NAA11: variants seen among roughly 807,000 people sequenced by gnomAD.
NAA11 encodes the protein N-alpha-acetyltransferase 11, NatA catalytic subunit.
NAA11 carries 15 observed loss-of-function variants against 16.1 expected under a neutral mutation model. The ratio of observed to expected loss-of-function variants is 0.93; its 90% CI spans 0.62 to 1.44. The LOEUF is 1.44. Among genes scored for constraint, NAA11 ranks in the 40% most tolerant of loss-of-function variants. The probability of loss-of-function intolerance (pLI) is 0.00; values close to 1 mark genes in which losing one functional copy is unlikely to be tolerated. For missense variants in NAA11, 298 were observed against 291.3 expected (o/e 1.02, Z -0.17); for synonymous variants, 122 against 112.4 (o/e 1.09, Z -0.54).
At chr4:79,231,522 T>C (rs866526803) in intron 2 of NAA11, among the ~76,000 whole-genome samples, 10 of 151,900 alleles carry the variant, frequency 6.6e-5, no homozygotes, top group African/African-American at 2.4e-4. Context: ...TCCAAAAAGG[T>C]ATTGGTCCTT....
chr4:79,240,002 C>T (rs959197100), intron 2 of NAA11, among the ~76,000 whole-genome samples: 6 of 152,082 alleles, frequency 3.9e-5, no homozygotes, highest in African/African-American at 1.4e-4. Context: ...GCTAACAACT[C>T]CTGAGAGTAC....
the NAA11 span, among the ~76,000 whole-genome samples, chr4:79,196,690 G>A: frequency 4.7e-3 from 718 of 151,932 alleles, 3 homozygotes; most frequent in Non-Finnish European, 7.7e-3. Flanking sequence ...TGGAACTTGT[G>A]AATATGTTAG....
At chr4:79,303,079 T>TAG (rs1190941429) in intron 1 of NAA11, among the ~76,000 whole-genome samples, 438 of 13,340 alleles carry the variant, frequency 0.033, 12 homozygotes, top group African/African-American at 0.1. Context: ...AGGCCTTTTA[T>TAG]ATATATATAT....
At position 79,325,227 on chromosome 4, in the gene NAA11, G is replaced by T; in HGVS notation, c.651C>A (p.Asn217Lys). 6.2e-7 allele frequency: 1 copy of T among 1,613,272 alleles called. No individual in the cohort carries two copies. Among genetic ancestry groups the T allele is most frequent in the South Asian group, 1.1e-5 (1 of 90,848 alleles). Residue 217 changes from asparagine to lysine, a missense_variant, in exon 1 of 2, where the codon AAC (asparagine) becomes AAA (lysine). Transcript: ENST00000286794. ...KEPKESVEST[N>K]VQDSSESSDS... is the part of the protein sequence containing the mutation. The stretch of plus-strand genomic sequence containing the variant: ...CCGAGCTTTCTGAGCTGTCCTGGAC[G>T]TTGGTGCTCTCCACAGACTCCTTAG...
chr4:79,302,502 C>T (rs1422217671), intron 1 of NAA11, among the ~76,000 whole-genome samples: 1 of 152,194 alleles, frequency 6.6e-6, no homozygotes, highest in Non-Finnish European at 1.5e-5. Flanking sequence ...TCTACAAAGA[C>T]ACCCAAATCC....
chr4:79,290,784 T>G (rs576741455), intron 2 of NAA11, among the ~76,000 whole-genome samples: 18 of 152,202 alleles, frequency 1.2e-4, no homozygotes, highest in Non-Finnish European at 1.9e-4. Context: ...GCATATGGAG[T>G]CTGCAGATTT....
intron 2 of NAA11, among the ~76,000 whole-genome samples, chr4:79,272,845 G>A (rs1214346411): frequency 1.3e-5 from 2 of 151,878 alleles, no homozygotes; most frequent in African/African-American, 2.4e-5. Context: ...CTACTGGAAC[G>A]GGTTGAATTG....
chr4:79,197,054 G>T, the NAA11 span, among the ~76,000 whole-genome samples: 4 of 149,118 alleles, frequency 2.7e-5, no homozygotes, highest in Non-Finnish European at 5.9e-5. Context: ...CTAGCATTTT[G>T]ATTCTAGTCC....
At chr4:79,214,914 C>T in the NAA11 span, among the ~76,000 whole-genome samples, 7 of 152,344 alleles carry the variant, frequency 4.6e-5, no homozygotes, top group South Asian at 1.4e-3. Flanking sequence ...TTGCCAGATG[C>T]CACCCCCTCA....
At chr4:79,288,576 A>G (rs1350164813) in intron 2 of NAA11, among the ~76,000 whole-genome samples, 1 of 152,188 alleles carries the variant, frequency 6.6e-6, no homozygotes, top group Non-Finnish European at 1.5e-5. Context: ...AGTATGTACC[A>G]ATATACTGGC....
chr4:79,234,192 C>T (rs562450790), intron 2 of NAA11, among the ~76,000 whole-genome samples: 3 of 152,050 alleles, frequency 2.0e-5, no homozygotes, highest in Non-Finnish European at 2.9e-5. Context: ...AAAATGATTT[C>T]GAGGTTATCC....
At chr4:79,194,053 G>T in the NAA11 span, among the ~76,000 whole-genome samples, 1 of 152,086 alleles carries the variant, frequency 6.6e-6, no homozygotes, top group African/African-American at 2.4e-5. Context: ...GAATGCTTGT[G>T]ATTTTTGCAC....
chr4:79,292,423 C>A (rs1466722133), intron 2 of NAA11, among the ~76,000 whole-genome samples: 2 of 152,180 alleles, frequency 1.3e-5, no homozygotes, highest in African/African-American at 4.8e-5. Flanking sequence ...CCATCTCCTT[C>A]CATTAACTCA....
the NAA11 span, among the ~76,000 whole-genome samples, chr4:79,191,333 T>C: frequency 1.9e-5 from 1 of 54,004 alleles, no homozygotes; most frequent in Admixed American, 2.8e-4. Flanking sequence ...CATCAGCATC[T>C]GCTGTTTTTT....
chr4:79,280,321 T>C (rs1483252427), intron 2 of NAA11, among the ~76,000 whole-genome samples: 1 of 152,050 alleles, frequency 6.6e-6, no homozygotes, highest in Non-Finnish European at 1.5e-5. Context: ...TGCCCTCCCG[T>C]AACTAAAGAG....
At chr4:79,202,965 G>A in the NAA11 span, among the ~76,000 whole-genome samples, 1 of 151,434 alleles carries the variant, frequency 6.6e-6, no homozygotes, top group East Asian at 2.0e-4. Context: ...TGTATTAGAA[G>A]CCAAATTTAT....
chr4:79,158,313 G>A, the NAA11 span, among the ~76,000 whole-genome samples: 6 of 152,126 alleles, frequency 3.9e-5, no homozygotes, highest in South Asian at 1.0e-3. Flanking sequence ...GCTATACACC[G>A]ATAGCAAATG....
chr4:79,188,274 G>A, the NAA11 span, among the ~76,000 whole-genome samples: 2 of 151,994 alleles, frequency 1.3e-5, no homozygotes, highest in Non-Finnish European at 2.9e-5. Flanking sequence ...TAAAAAGAGC[G>A]TTAAAATAAA....
the NAA11 span, among the ~76,000 whole-genome samples, chr4:79,209,724 A>G: frequency 3.3e-4 from 51 of 152,244 alleles, no homozygotes; most frequent in African/African-American, 1.2e-3. Context: ...ATTCATTGTA[A>G]CTGAACCCTC....
Sources: gnomAD v4.1 joint callset for allele counts (sites outside exome capture counted in the v4.1 genomes callset) on GRCh38, gnomAD v4.1.1 for gene constraint, MANE v1.5 for transcripts, NCBI Gene and HGNC (gene_info 2026-07-23, HGNC 2026-07-21) for gene names.